IBSP: variants seen among roughly 807,000 people sequenced by gnomAD.
IBSP encodes the protein integrin binding sialoprotein, also known as integrin-binding sialoprotein.
In IBSP, 19 loss-of-function variants were observed where a neutral mutation model predicts 25.5. The observed-to-expected ratio is 0.74, with a 90% confidence interval of 0.52 to 1.09. IBSP has a LOEUF of 1.09. Ranked by LOEUF, IBSP falls within the 50% of genes least tolerant of loss-of-function variation. The pLI is 0.00. For synonymous variants in IBSP, 144 were observed against 137.6 expected, an observed-to-expected ratio of 1.05 and a Z score of -0.33; for missense variants, 360 against 382.3, an observed-to-expected ratio of 0.94 and a Z score of 0.49.
chr4:87,809,938 C>T (rs578066304), intron 5 of IBSP, among the ~76,000 whole-genome samples: 1 of 152,196 alleles, frequency 6.6e-6, no homozygotes, highest in South Asian at 2.1e-4. Flanking sequence ...TTTTTTAAAA[C>T]ACCTTCATGC....
rs756355911 is a variant in IBSP at position 87,811,827 on chromosome 4, CGAGCCTATGAAGAT to C, written c.875_888del (p.Ala292ValfsTer5). On this transcript the variant is annotated frameshift_variant, in exon 7 of 7. Transcript: ENST00000226284. LOFTEE classifies it high-confidence loss of function. The stretch of plus-strand genomic sequence containing the variant: ...CGGGGAACCTCGTGGGGACAATTAC[CGAGCCTATGAAGAT>C]GAGTACAGCTACTTTAAAGGACAAG... 7.3e-5 allele frequency: 118 copies of C among 1,608,038 alleles called. No individual in the cohort carries two copies. In the Admixed American group the frequency reaches 9.2e-4, roughly 13 times the overall value.
chr4:87,808,406 C>T lies in IBSP; in HGVS notation c.247-2200C>T, dbSNP rs556172284. 2.0e-5 allele frequency among the ~76,000 whole-genome samples: 3 copies of T among 152,250 alleles called. No individual in the cohort carries two copies. The South Asian group carries it at 6.2e-4, about 32-fold the overall frequency. On this transcript the variant is annotated intron_variant, in intron 5 of 6. Coordinates refer to ENST00000226284, the MANE Select transcript of IBSP (RefSeq NM_004967.4). Reference sequence around the variant, plus strand: ...CCATGTTAGCCAGGATGGTCTTGATCTCCTGACCTCGTGATCCGCCCGCCT... The same window carrying T: ...CCATGTTAGCCAGGATGGTCTTGATTTCCTGACCTCGTGATCCGCCCGCCT...
intron 5 of IBSP, 125 bp from the exon 6 acceptor site, chr4:87,810,481 C>G: frequency 1.4e-6 from 1 of 704,340 alleles, no homozygotes; most frequent in South Asian, 1.9e-5. Context: ...TTTGAGTGAT[C>G]AGCCAGCTGA....
In IBSP at chr4:87,812,080, CT is replaced by C. The variant is rs199982341; in HGVS notation, c.*178del. 28 of 506,502 alleles carry C rather than the reference CT, an allele frequency of 5.5e-5. No homozygotes were observed. Among genetic ancestry groups the C allele is most frequent in the South Asian group, 2.9e-4 (7 of 23,932 alleles). The allele number at this position is 506,502 out of a possible 1,614,324, so 31.4% of individuals were successfully genotyped here. A position where few individuals can be genotyped will look rare whatever the true frequency, so the allele number is the denominator to read the frequency against. ...CTGCAAAGTAATAGGCTTCTTGTCC[CT>C]TTTTTTTCTGGCATGTTATGGAATG... On this transcript the variant is annotated 3_prime_UTR_variant, in exon 7 of 7. Transcript: ENST00000226284.
intron 5 of IBSP, among the ~76,000 whole-genome samples, chr4:87,807,011 A>T (rs540843151): frequency 6.6e-5 from 10 of 152,130 alleles, no homozygotes; most frequent in African/African-American, 2.2e-4. Flanking sequence ...TCACAGAAAA[A>T]AAAAACAAAA....
At chr4:87,808,550 A>G (rs1195855127) in intron 5 of IBSP, among the ~76,000 whole-genome samples, 5 of 152,200 alleles carry the variant, frequency 3.3e-5, no homozygotes, top group Admixed American at 2.6e-4. Flanking sequence ...GAAATTTCAG[A>G]AATTGAACAC....
At chr4:87,805,244 A>T (rs1488055416) in intron 4 of IBSP, among the ~76,000 whole-genome samples, 1 of 152,234 alleles carries the variant, frequency 6.6e-6, no homozygotes, top group Non-Finnish European at 1.5e-5. Flanking sequence ...TCAGAATCAA[A>T]GCTAAATATT....
intron 1 of IBSP, among the ~76,000 whole-genome samples, chr4:87,802,040 T>G (rs145620120): frequency 6.6e-6 from 1 of 152,182 alleles, no homozygotes; most frequent in Non-Finnish European, 1.5e-5. Context: ...ATTACGCCAG[T>G]GTGAAGTACC....
At position 87,802,660 on chromosome 4, in the gene IBSP, A is replaced by G. The variant is rs1722037453; in HGVS notation, c.112A>G (p.Lys38Glu). ...IEDSEENGVFKYRPRYYLYKH... is the reference protein window; with the variant it reads ...IEDSEENGVFEYRPRYYLYKH... Reference sequence around the variant, plus strand: ...ATTTATTTTGTTTTTGCAGGTCTTTAAGTACAGGCCACGATATTATCTTTA... The same window carrying G: ...ATTTATTTTGTTTTTGCAGGTCTTTGAGTACAGGCCACGATATTATCTTTA... The change falls in exon 4 of 7, where the codon AAG (lysine) becomes GAG (glutamate). Residue 38 changes from lysine to glutamate, a missense_variant. Lys to Glu is a moderately conservative substitution (Grantham distance 56, BLOSUM62 1). Transcript: ENST00000226284. 6.4e-7 allele frequency: 1 copy of G among 1,574,776 alleles called. No individual in the cohort carries two copies. Among genetic ancestry groups the G allele is most frequent in the South Asian group, 1.2e-5 (1 of 83,142 alleles).
At chr4:87,808,388 A>G (rs1013190627) in intron 5 of IBSP, among the ~76,000 whole-genome samples, 9 of 152,112 alleles carry the variant, frequency 5.9e-5, no homozygotes, top group Middle Eastern at 3.4e-3. Context: ...TCACCATGTT[A>G]GCCAGGATGG....
intron 1 of IBSP, 124 bp from the exon 2 acceptor site, chr4:87,802,224 A>G: frequency 3.3e-6 from 2 of 601,956 alleles, no homozygotes; most frequent in Non-Finnish European, 5.8e-6. Context: ...TTTAGTTTTA[A>G]TTAGTCAAAG....
chr4:87,804,956 T>C (rs1189709860), intron 4 of IBSP, among the ~76,000 whole-genome samples: 1 of 152,154 alleles, frequency 6.6e-6, no homozygotes, highest in African/African-American at 2.4e-5. Context: ...AATATAATAC[T>C]CTATTCACCC....
chr4:87,802,257 A>G (rs1009671972), intron 1 of IBSP, 91 bp from the exon 2 acceptor site: 18 of 735,892 alleles, frequency 2.4e-5, no homozygotes, highest in Non-Finnish European at 4.0e-5. Flanking sequence ...AGAAATGAAA[A>G]CAAATTAAAT....
intron 1 of IBSP, 53 bp from the exon 2 acceptor site, chr4:87,802,295 G>A (rs1578042283): frequency 8.9e-7 from 1 of 1,119,794 alleles, no homozygotes; most frequent in East Asian, 2.4e-5. Context: ...GAGTAAAAAA[G>A]TTATGCTCTT....
At chr4:87,803,461 G>A (rs1722049910) in intron 4 of IBSP, among the ~76,000 whole-genome samples, 1 of 152,128 alleles carries the variant, frequency 6.6e-6, no homozygotes, top group Non-Finnish European at 1.5e-5. Flanking sequence ...TTGAAAACCA[G>A]AGGGTGTGGT....
intron 1 of IBSP, among the ~76,000 whole-genome samples, chr4:87,802,000 C>T (rs1456463432): frequency 6.6e-6 from 1 of 152,158 alleles, no homozygotes; most frequent in Non-Finnish European, 1.5e-5. Context: ...ATTCACTTAG[C>T]TGACACTCCA....
chr4:87,808,373 GGGTTTCACCATGTTAGCCA>G (rs1401315440), intron 5 of IBSP, among the ~76,000 whole-genome samples: 6 of 152,074 alleles, frequency 3.9e-5, no homozygotes, highest in South Asian at 4.2e-4. Context: ...AGTAGAGATG[GGGTTTCACCATGTTAGCCA>G]GGATGGTCTT....
At chr4:87,801,922 C>A (rs781064551) in intron 1 of IBSP, among the ~76,000 whole-genome samples, 41 of 152,176 alleles carry the variant, frequency 2.7e-4, no homozygotes, top group Non-Finnish European at 5.1e-4. Flanking sequence ...GAGGCATGAG[C>A]CACCATACCT....
rs1722038734 is a variant in IBSP at position 87,802,712 on chromosome 4, T to C, written c.164T>C (p.Leu55Ser). 1 of 1,554,640 alleles carries C rather than the reference T, an allele frequency of 6.4e-7. No homozygotes were observed. ...LYKHAYFYPHLKRFPVQGSSD... is the reference protein window; with the variant it reads ...LYKHAYFYPHSKRFPVQGSSD... ...AAGCATGCCTACTTTTATCCTCATT[T>C]AAAACGATTTCCAGTTCAGGTAAAT... The change falls in exon 4 of 7, where the codon TTA becomes TCA. Residue 55 changes from leucine (L) to serine (S), a missense_variant. Physicochemically the swap from Leu to Ser is moderately radical, Grantham distance 145 (BLOSUM62 -2). Transcript: ENST00000226284.
Sources: gnomAD v4.1 joint callset for allele counts (sites outside exome capture counted in the v4.1 genomes callset) on GRCh38, gnomAD v4.1.1 for gene constraint, MANE v1.5 for transcripts, NCBI Gene and HGNC (gene_info 2026-07-23, HGNC 2026-07-21) for gene names.